Variants in SESN1 observed in about 807,000 individuals in gnomAD.
SESN1 encodes the protein sestrin-1.
A neutral mutation model predicts 59.3 loss-of-function variants in SESN1; 30 were observed. The ratio of observed to expected loss-of-function variants is 0.51; its 90% confidence interval spans 0.38 to 0.69. The LOEUF is 0.69. Ranked by LOEUF, SESN1 falls within the 30% of genes least tolerant of loss-of-function variation. The pLI is 0.00. For missense variants in SESN1, 566 were observed against 673.0 expected, an observed-to-expected ratio of 0.84 and a Z score of 1.76; for synonymous variants, 197 against 219.9, an observed-to-expected ratio of 0.90 and a Z score of 0.92.
At chr6:109,039,037 G>GA (rs886162541) in intron 1 of SESN1, among the ~76,000 whole-genome samples, 3 of 121,976 alleles carry the variant, frequency 2.5e-5, no homozygotes, top group African/African-American at 7.1e-5. Flanking sequence ...GAGAAAGAAA[G>GA]AAGAAGGAGG....
At chr6:109,093,461 C>T (rs1436258943) in intron 1 of SESN1, among the ~76,000 whole-genome samples, 1 of 151,864 alleles carries the variant, frequency 6.6e-6, no homozygotes, top group Admixed American at 6.6e-5. Flanking sequence ...ATTTTAGAGG[C>T]TTTTAAATGT....
chr6:109,008,164 T>G (rs1390964163), intron 1 of SESN1, among the ~76,000 whole-genome samples: 1 of 152,170 alleles, frequency 6.6e-6, no homozygotes, highest in African/African-American at 2.4e-5. Context: ...AAAGCTATCT[T>G]TAGAAATTCT....
rs1325584152 is a variant in SESN1 at position 108,985,396 on chromosome 6, G to GTA, written c.*2146_*2147dup. On this transcript the variant is annotated 3_prime_UTR_variant, in exon 10 of 10. Coordinates refer to ENST00000436639, the MANE Select transcript of SESN1 (RefSeq NM_014454.3). The stretch of plus-strand genomic sequence containing the variant: ...TGGGGAAGGTTTTGATATCCCCAGT[G>GTA]TAATGTACCTTCCCTAATTATTTTG... 6.6e-6 allele frequency among the ~76,000 whole-genome samples: 1 copy of GTA among 152,190 alleles called. No homozygotes were observed. Among genetic ancestry groups the GTA allele is most frequent in the African/African-American group, 2.4e-5 (1 of 41,538 alleles).
At chr6:109,044,745 C>T (rs1267397864) in intron 1 of SESN1, among the ~76,000 whole-genome samples, 5 of 152,090 alleles carry the variant, frequency 3.3e-5, no homozygotes, top group Middle Eastern at 3.4e-3. Flanking sequence ...TGAACTCAGC[C>T]GGGCGCAGTG....
At chr6:109,072,223 A>C (rs1424025174) in intron 1 of SESN1, among the ~76,000 whole-genome samples, 1 of 152,236 alleles carries the variant, frequency 6.6e-6, no homozygotes, top group Non-Finnish European at 1.5e-5. Flanking sequence ...TGCAGCAAAA[A>C]AGAAAAAGGA....
chr6:109,082,325 A>G (rs1251764303), intron 1 of SESN1, among the ~76,000 whole-genome samples: 2 of 152,134 alleles, frequency 1.3e-5, no homozygotes, highest in East Asian at 3.9e-4. Context: ...GAGGCAGAAT[A>G]GAATACTAAG....
chr6:109,017,177 C>A (rs931768012), intron 1 of SESN1, among the ~76,000 whole-genome samples: 1 of 152,066 alleles, frequency 6.6e-6, no homozygotes, highest in Admixed American at 6.6e-5. Context: ...CTCTATTTGG[C>A]ATTGAGCCTT....
intron 1 of SESN1, among the ~76,000 whole-genome samples, chr6:109,014,366 A>C (rs1431289971): frequency 2.6e-5 from 4 of 152,186 alleles, no homozygotes; most frequent in Admixed American, 1.3e-4. Flanking sequence ...TTATTTTACA[A>C]ATTTGTGACA....
At chr6:108,989,993 C>T (rs1273165682) in intron 8 of SESN1, among the ~76,000 whole-genome samples, 2 of 152,090 alleles carry the variant, frequency 1.3e-5, no homozygotes, top group African/African-American at 2.4e-5. Context: ...ATGCCAGATC[C>T]GTTTAGAGTA....
chr6:109,019,875 CTTTAG>C (rs1339545716), intron 1 of SESN1, among the ~76,000 whole-genome samples: 1 of 152,144 alleles, frequency 6.6e-6, no homozygotes, highest in Non-Finnish European at 1.5e-5. Context: ...AACTACAGTA[CTTTAG>C]TTTGTAGATC....
At chr6:109,019,495 A>T (rs113698541) in intron 1 of SESN1, among the ~76,000 whole-genome samples, 507 of 152,300 alleles carry the variant, frequency 3.3e-3, no homozygotes, top group African/African-American at 9.8e-3. Context: ...CACCTTCACA[A>T]TGTAAATTTC....
intron 1 of SESN1, among the ~76,000 whole-genome samples, chr6:109,069,605 A>C (rs1780896014): frequency 6.6e-6 from 1 of 151,940 alleles, no homozygotes; most frequent in Non-Finnish European, 1.5e-5. Flanking sequence ...GCAGTGATAC[A>C]ATCATAGCTC....
chr6:109,055,661 C>CAAAAA (rs577017689), intron 1 of SESN1, among the ~76,000 whole-genome samples: 51 of 50,996 alleles, frequency 1.0e-3, no homozygotes, highest in African/African-American at 1.6e-3. Context: ...GACTCCACCT[C>CAAAAA]AAAAAAAAAA....
At chr6:109,062,618 G>C (rs1313157506) in intron 1 of SESN1, among the ~76,000 whole-genome samples, 1 of 152,212 alleles carries the variant, frequency 6.6e-6, no homozygotes, top group African/African-American at 2.4e-5. Context: ...GAAAGAGAGA[G>C]ACACAGAAAT....
At chr6:108,988,498 A>T in intron 9 of SESN1, 45 bp downstream of exon 9, 1 of 1,542,762 alleles carries the variant, frequency 6.5e-7, no homozygotes, top group Non-Finnish European at 8.8e-7. Context: ...GAGACTACGA[A>T]TCATTGCTAA....
Position 108,987,334 on chromosome 6 carries a change from G to T in SESN1, c.*210C>A. On this transcript the variant is annotated 3_prime_UTR_variant, in exon 10 of 10. Coordinates refer to ENST00000436639, the MANE Select transcript of SESN1 (RefSeq NM_014454.3). ...AGCAAAATACTGTGAATGGCAGCCT[G>T]TCTTCACAGCTCTAAACTTGAAGCT... 1 of 459,562 alleles carries T rather than the reference G, an allele frequency of 2.2e-6. No individual in the cohort carries two copies. The highest frequency in any genetic ancestry group is 3.8e-6 in the Non-Finnish European group (1 of 259,856). 28.5% of individuals were successfully genotyped at this position (459,562 alleles called of 1,614,324 possible). A position where few individuals can be genotyped will look rare whatever the true frequency, so the allele number is the denominator to read the frequency against.
chr6:108,988,561 C>A lies in SESN1; in HGVS notation c.1551G>T (p.Gln517His). 1 of 1,610,616 alleles carries A rather than the reference C, an allele frequency of 6.2e-7. No individual in the cohort carries two copies. Among genetic ancestry groups the A allele is most frequent in the East Asian group, 2.2e-5 (1 of 44,784 alleles). ...CACATACCTTCTCAGAGTGCTTGAACTGCCTCCAGAAGCTATCATACATTC... is the reference window on the plus strand; with the variant it reads ...CACATACCTTCTCAGAGTGCTTGAAATGCCTCCAGAAGCTATCATACATTC... ...TKRMYDSFWR[Q>H]FKHSEKVHVN... The change falls in exon 9 of 10, where the codon CAG becomes CAT. Residue 517 changes from glutamine (Q) to histidine (H), a missense_variant. Gln to His is a conservative substitution (Grantham distance 24). Coordinates refer to ENST00000436639, the MANE Select transcript of SESN1 (RefSeq NM_014454.3).
intron 1 of SESN1, among the ~76,000 whole-genome samples, chr6:109,017,263 T>A (rs751604477): frequency 1.3e-5 from 2 of 152,192 alleles, no homozygotes; most frequent in Non-Finnish European, 2.9e-5. Flanking sequence ...TCATTCATTA[T>A]TTGTAAATAT....
chr6:109,085,515 TCACACACA>T (rs59793015), intron 1 of SESN1, among the ~76,000 whole-genome samples: 4 of 148,414 alleles, frequency 2.7e-5, no homozygotes, highest in East Asian at 2.0e-4. Flanking sequence ...TGACACTCCG[TCACACACA>T]CACACACACA....
Sources: gnomAD v4.1 joint callset for allele counts (sites outside exome capture counted in the v4.1 genomes callset) on GRCh38, gnomAD v4.1.1 for gene constraint, MANE v1.5 for transcripts, NCBI Gene and HGNC (gene_info 2026-07-23, HGNC 2026-07-21) for gene names.